GLI4: variants seen among roughly 807,000 people sequenced by gnomAD.
GLI4 encodes GLI family zinc finger 4.
A neutral mutation model predicts 30.9 loss-of-function variants in GLI4; 34 were observed. That is an observed-to-expected ratio of 1.10 (90% CI 0.84 to 1.47). The LOEUF (loss-of-function observed/expected upper bound fraction) is 1.47, where lower values mean the gene tolerates loss of function less well. Among genes scored for constraint, GLI4 ranks in the 40% most tolerant of loss-of-function variants. The probability of loss-of-function intolerance (pLI) is 0.00; values close to 1 mark genes in which losing one functional copy is unlikely to be tolerated. For synonymous variants in GLI4, 277 were observed against 236.7 expected (o/e 1.17, Z -1.56); for missense variants, 696 against 538.9 (o/e 1.29, Z -2.89).
Position 143,276,394 on chromosome 8 carries a change from TGC to T in GLI4, c.723_724del (p.Cys241TrpfsTer51). On this transcript the variant is annotated frameshift_variant, in exon 4 of 4. Transcript: ENST00000340042. LOFTEE classifies it high-confidence loss of function. The part of the protein sequence containing the change: ...RIHTGEKPYE[C>X]GQCGRAFSHS... ...CCACACGGGCGAGAAGCCCTACGAGTGCGGCCAGTGCGGCCGCGCCTTCAGCC... is the reference window on the plus strand; with the variant it reads ...CCACACGGGCGAGAAGCCCTACGAGTGGCCAGTGCGGCCGCGCCTTCAGCC... 1.9e-6 allele frequency: 3 copies of T among 1,611,990 alleles called. No homozygotes were observed. Among genetic ancestry groups the T allele is most frequent in the Non-Finnish European group, 2.5e-6 (3 of 1,179,704 alleles).
chr8:143,274,217 C>T (rs140993411), intron 2 of GLI4, among the ~76,000 whole-genome samples: 13 of 152,264 alleles, frequency 8.5e-5, no homozygotes, highest in African/African-American at 1.9e-4. Flanking sequence ...TGTTTCTGGG[C>T]GCTCGTCAAG....
intron 1 of GLI4, chr8:143,267,911 C>G: frequency 1.0e-6 from 1 of 985,424 alleles, no homozygotes; most frequent in Non-Finnish European, 1.2e-6. Flanking sequence ...GGGCTGGGAA[C>G]AGAGGGGCAG....
intron 3 of GLI4, chr8:143,275,275 G>T (rs1243887682): frequency 6.7e-7 from 1 of 1,502,316 alleles, no homozygotes; most frequent in Non-Finnish European, 8.9e-7. Context: ...GTTCCCTCTG[G>T]GCGATGTTAG....
At chr8:143,268,012 C>T in intron 1 of GLI4, 10 of 985,444 alleles carry the variant, frequency 1.0e-5, no homozygotes, top group Non-Finnish European at 1.2e-5. Context: ...GAAGGGGCGT[C>T]CACGCTGTGA....
intron 2 of GLI4, 149 bp from the exon 3 acceptor site, chr8:143,274,554 GA>G (rs893780720): frequency 1.2e-4 from 76 of 656,340 alleles, no homozygotes; most frequent in Middle Eastern, 4.6e-4. Flanking sequence ...CGTGGCTAGA[GA>G]AGCCCAAGCA....
At chr8:143,274,137 C>G (rs117122482) in intron 2 of GLI4, among the ~76,000 whole-genome samples, 1 of 152,200 alleles carries the variant, frequency 6.6e-6, no homozygotes, top group Non-Finnish European at 1.5e-5. Context: ...GGGCCCAGCC[C>G]ATTCCTCAGG....
chr8:143,273,096 C>G (rs1412191674), intron 2 of GLI4: 1 of 152,316 alleles, frequency 6.6e-6, no homozygotes, highest in Non-Finnish European at 1.5e-5. Flanking sequence ...CAAAGGGCTG[C>G]CAGGTCCTCT....
rs755830195 is a variant in GLI4 at position 143,276,388 on chromosome 8, T to TACGAGTGCG, written c.716_724dup (p.Cys241_Gly242insAspGluCys). On this transcript the variant is annotated inframe_insertion, in exon 4 of 4. Coordinates refer to ENST00000340042, the MANE Select transcript of GLI4 (RefSeq NM_138465.4). ...CCGCATCCACACGGGCGAGAAGCCC[T>TACGAGTGCG]ACGAGTGCGGCCAGTGCGGCCGCGC... The TACGAGTGCG allele has an allele frequency of 6.2e-7, 1 of 1,612,550 alleles. No individual in the cohort carries two copies. Among genetic ancestry groups the TACGAGTGCG allele is most frequent in the South Asian group, 1.1e-5 (1 of 91,046 alleles).
intron 1 of GLI4, chr8:143,268,061 C>T (rs1815177740): frequency 1.7e-5 from 17 of 985,304 alleles, no homozygotes; most frequent in Non-Finnish European, 1.8e-5. Flanking sequence ...AAGCCAGGGT[C>T]GGGGTGATCG....
Position 143,276,597 on chromosome 8 carries a change from C to T in GLI4, c.924C>T (p.Ser308=), listed in dbSNP as rs1288551794. ...GCGGCAAGGCCTTCATCTGGAGCTCCGTGCTCATCGAGCACCAGCGCATCC... is the reference window on the plus strand; with the variant it reads ...GCGGCAAGGCCTTCATCTGGAGCTCTGTGCTCATCGAGCACCAGCGCATCC... ...SQCGKAFIWS[S]VLIEHQRIHT... The change falls in exon 4 of 4, where the codon TCC becomes TCT. Residue 308 remains serine (S), a synonymous_variant. Coordinates refer to ENST00000340042, the MANE Select transcript of GLI4 (RefSeq NM_138465.4). 1.9e-6 allele frequency: 3 copies of T among 1,592,384 alleles called. No individual in the cohort carries two copies. The highest frequency in any genetic ancestry group is 2.6e-6 in the Non-Finnish European group (3 of 1,170,742).
chr8:143,273,634 GT>G (rs1815317641), intron 2 of GLI4, among the ~76,000 whole-genome samples: 1 of 59,172 alleles, frequency 1.7e-5, no homozygotes, highest in Admixed American at 3.4e-4. Context: ...GCCAGGCACT[GT>G]TATGAACGGG....
rs765212881 is a variant in GLI4, at chr8:143,276,190, C to A, written c.517C>A (p.Arg173=). The A allele has an allele frequency of 6.4e-7, 1 of 1,564,108 alleles. No individual in the cohort carries two copies. Among genetic ancestry groups the A allele is most frequent in the Non-Finnish European group, 8.7e-7 (1 of 1,155,166 alleles). The part of the protein sequence containing the change: ...AELGVNFGRS[R]QGSARGAKPH... The stretch of plus-strand genomic sequence containing the variant: ...GCTGGGAGTCAACTTCGGTCGGAGC[C>A]GGCAGGGCAGCGCGCGGGGGGCCAA... The change falls in exon 4 of 4, where the codon CGG becomes AGG. Residue 173 remains arginine, a synonymous_variant. Coordinates refer to ENST00000340042, the MANE Select transcript of GLI4 (RefSeq NM_138465.4).
At position 143,276,071 on chromosome 8, in the gene GLI4, C is replaced by A; in HGVS notation, c.398C>A (p.Ala133Asp). 7.1e-7 allele frequency: 1 copy of A among 1,401,072 alleles called. No homozygotes were observed. Among genetic ancestry groups the A allele is most frequent in the Non-Finnish European group, 9.2e-7 (1 of 1,089,058 alleles). The allele number at this position is 1,401,072 out of a possible 1,614,324, so 86.8% of individuals were successfully genotyped here. Residue 133 changes from alanine to aspartate, a missense_variant, in exon 4 of 4, where the codon GCC becomes GAC. Physicochemically the swap from Ala to Asp is moderately radical, Grantham distance 126. Transcript: ENST00000340042. Reference sequence around the variant, plus strand: ...CGGCCGGCGGGCCAGCCGCCTGGGGCCGTCCCTTGCGCCCAGCCGCGGGGC... The same window carrying A: ...CGGCCGGCGGGCCAGCCGCCTGGGGACGTCCCTTGCGCCCAGCCGCGGGGC... The part of the protein sequence containing the change: ...AERPAGQPPG[A>D]VPCAQPRGAW...
intron 3 of GLI4, chr8:143,275,137 A>G: frequency 1.4e-5 from 21 of 1,535,350 alleles, no homozygotes; most frequent in East Asian, 2.4e-5. Context: ...TCAGGGCACC[A>G]CTGTCCCCCC....
intron 1 of GLI4, 76 bp from the exon 2 acceptor site, chr8:143,269,284 A>G: frequency 9.3e-7 from 1 of 1,076,268 alleles, no homozygotes; most frequent in Non-Finnish European, 1.4e-6. Context: ...GAGAGCTGGC[A>G]TGTTGCCTCC....
chr8:143,276,475 A>C lies in GLI4; in HGVS notation c.802A>C (p.Lys268Gln), dbSNP rs775996231. The change falls in exon 4 of 4, where the codon AAG becomes CAG. Residue 268 changes from lysine to glutamine, a missense_variant. Lys to Gln is a moderately conservative substitution (Grantham distance 53, BLOSUM62 1). Coordinates refer to ENST00000340042, the MANE Select transcript of GLI4 (RefSeq NM_138465.4). ...LRIHNGEKPY[K>Q]CGECGQAFSQ... ...CATCCACAACGGCGAGAAGCCCTAC[A>C]AGTGCGGCGAGTGCGGCCAGGCCTT... 2 of 1,611,172 alleles carry C rather than the reference A, an allele frequency of 1.2e-6. No homozygotes were observed. Among genetic ancestry groups the C allele is most frequent in the East Asian group, 2.2e-5 (1 of 44,748 alleles).
Position 143,269,371 on chromosome 8 carries a change from G to C in GLI4, c.-26G>C, listed in dbSNP as rs376494816. 6.2e-7 allele frequency: 1 copy of C among 1,607,478 alleles called. No individual in the cohort carries two copies. Among genetic ancestry groups the C allele is most frequent in the Non-Finnish European group, 8.5e-7 (1 of 1,176,404 alleles). On this transcript the variant is annotated 5_prime_UTR_variant, in exon 2 of 4. Transcript: ENST00000340042. ...TTCATTTTCCCCAGGTCCCAGGTGT[G>C]ACACCTTCAGCAGGTCTCAGGGAAG...
intron 3 of GLI4, chr8:143,275,140 G>T: frequency 6.5e-7 from 1 of 1,535,612 alleles, no homozygotes; most frequent in Non-Finnish European, 8.7e-7. Flanking sequence ...GGGCACCACT[G>T]TCCCCCCAGA....
chr8:143,274,979 C>T lies in GLI4; in HGVS notation c.223+177C>T, dbSNP rs1363357973. ...GCCCCTCCCCCACTCTAATGCCAGT[C>T]CAGTTACTGATGCTTCCCGAGGCGG... On this transcript the variant is annotated intron_variant, in intron 3 of 3. Coordinates refer to ENST00000340042, the MANE Select transcript of GLI4 (RefSeq NM_138465.4). 5 of 1,491,112 alleles carry T rather than the reference C, an allele frequency of 3.4e-6. No homozygotes were observed. The East Asian group carries it at 9.9e-5, about 30-fold the overall frequency. The allele number at this position is 1,491,112 out of a possible 1,614,324, so 92.4% of individuals were successfully genotyped here.
Sources: allele counts gnomAD v4.1 joint callset (sites outside exome capture counted in the v4.1 genomes callset), GRCh38; gene constraint gnomAD v4.1.1; transcripts MANE v1.5; gene names NCBI Gene and HGNC (gene_info 2026-07-23, HGNC 2026-07-21).